PLPPR1: variants seen among roughly 807,000 people sequenced by gnomAD.
PLPPR1 encodes the protein phospholipid phosphatase-related protein type 1.
A neutral mutation model predicts 33.1 loss-of-function variants in PLPPR1; 10 were observed. The observed-to-expected ratio is 0.30, with a 90% CI of 0.19 to 0.51. PLPPR1 has a LOEUF of 0.51. Ranked by LOEUF, PLPPR1 falls within the 20% of genes least tolerant of loss-of-function variation. PLPPR1 has a pLI of 0.97. For missense variants in PLPPR1, 304 were observed against 408.1 expected (o/e 0.74, Z 2.20); for synonymous variants, 151 against 151.0 (o/e 1.00, Z 0.00).
chr9:101,186,520 A>G (rs1308059902), intron 2 of PLPPR1, among the ~76,000 whole-genome samples: 1 of 151,842 alleles, frequency 6.6e-6, no homozygotes, highest in Non-Finnish European at 1.5e-5. Context: ...TTTATTATCC[A>G]TATAAAAACA....
chr9:101,158,099 T>G (rs1831720435), intron 1 of PLPPR1, among the ~76,000 whole-genome samples: 1 of 151,950 alleles, frequency 6.6e-6, no homozygotes. Flanking sequence ...TGAAATGGAG[T>G]AAACTAGGGG....
At chr9:101,276,599 A>G (rs1828200982) in intron 3 of PLPPR1, among the ~76,000 whole-genome samples, 1 of 152,198 alleles carries the variant, frequency 6.6e-6, no homozygotes, top group Non-Finnish European at 1.5e-5. Flanking sequence ...ACTTCAATGC[A>G]TTTTACTTTT....
chr9:101,179,469 T>A (rs998693062), intron 1 of PLPPR1, among the ~76,000 whole-genome samples: 3 of 152,216 alleles, frequency 2.0e-5, no homozygotes, highest in African/African-American at 4.8e-5. Flanking sequence ...ACGTATACAC[T>A]TGTACTAAGA....
At chr9:101,141,661 T>C (rs1215893699) in intron 1 of PLPPR1, among the ~76,000 whole-genome samples, 1 of 152,150 alleles carries the variant, frequency 6.6e-6, no homozygotes, top group Non-Finnish European at 1.5e-5. Context: ...GTTCTTAGAA[T>C]GAGACTAAGT....
chr9:101,284,756 C>T (rs1828362286), intron 3 of PLPPR1, among the ~76,000 whole-genome samples: 1 of 152,028 alleles, frequency 6.6e-6, no homozygotes, highest in Non-Finnish European at 1.5e-5. Flanking sequence ...CATCTTTATC[C>T]ATCTAAACAG....
chr9:101,247,730 CTT>C (rs1458024393), intron 2 of PLPPR1, among the ~76,000 whole-genome samples: 1 of 151,982 alleles, frequency 6.6e-6, no homozygotes, highest in Non-Finnish European at 1.5e-5. Flanking sequence ...CTGGGGATCT[CTT>C]AGTCTGGAGC....
chr9:101,264,453 C>T (rs577635243), intron 2 of PLPPR1, among the ~76,000 whole-genome samples: 77 of 152,264 alleles, frequency 5.1e-4, no homozygotes, highest in African/African-American at 1.7e-3. Context: ...TATCAAGTCC[C>T]CTCCCAACCA....
chr9:101,256,366 T>C (rs1827801838), intron 2 of PLPPR1, among the ~76,000 whole-genome samples: 1 of 152,058 alleles, frequency 6.6e-6, no homozygotes, highest in African/African-American at 2.4e-5. Context: ...TGAAGAAATA[T>C]ACGTAAGTCT....
At chr9:101,203,846 T>C (rs1476428945) in intron 2 of PLPPR1, among the ~76,000 whole-genome samples, 1 of 147,506 alleles carries the variant, frequency 6.8e-6, no homozygotes, top group Non-Finnish European at 1.5e-5. Flanking sequence ...TTTTTTTCTC[T>C]TTTTTCCTGA....
chr9:101,040,934 G>A (rs914989636), intron 1 of PLPPR1, among the ~76,000 whole-genome samples: 2 of 152,032 alleles, frequency 1.3e-5, no homozygotes, highest in African/African-American at 2.4e-5. Flanking sequence ...AAAAAATATC[G>A]TCTTGAGAAT....
chr9:101,219,811 C>T (rs1475237611), intron 2 of PLPPR1, among the ~76,000 whole-genome samples: 116 of 152,292 alleles, frequency 7.6e-4, no homozygotes, highest in Admixed American at 7.5e-3. Flanking sequence ...TATGCATTAC[C>T]TCAGCTGGGC....
At chr9:101,171,910 G>A (rs1183898592) in intron 1 of PLPPR1, among the ~76,000 whole-genome samples, 4 of 152,250 alleles carry the variant, frequency 2.6e-5, no homozygotes, top group African/African-American at 9.6e-5. Flanking sequence ...TCAAAGATGA[G>A]CTCCCTTTTG....
chr9:101,296,776 TCA>T (rs1424465586), intron 4 of PLPPR1, among the ~76,000 whole-genome samples: 6 of 151,110 alleles, frequency 4.0e-5, no homozygotes, highest in Non-Finnish European at 7.4e-5. Context: ...AAGGGGAACA[TCA>T]CACTCTGGGG....
intron 1 of PLPPR1, among the ~76,000 whole-genome samples, chr9:101,048,951 A>G (rs1205684870): frequency 1.3e-5 from 2 of 152,252 alleles, no homozygotes; most frequent in African/African-American, 4.8e-5. Context: ...AGAAACTTAT[A>G]AAAGAGAAAA....
chr9:101,237,158 G>C (rs932887298), intron 2 of PLPPR1, among the ~76,000 whole-genome samples: 5 of 151,486 alleles, frequency 3.3e-5, no homozygotes, highest in Admixed American at 2.0e-4. Context: ...TTATTAAAAA[G>C]TCAAAAAACA....
chr9:101,125,244 G>A (rs1309350978), intron 1 of PLPPR1, among the ~76,000 whole-genome samples: 3 of 152,014 alleles, frequency 2.0e-5, no homozygotes, highest in Non-Finnish European at 4.4e-5. Flanking sequence ...GTTCCTGCAA[G>A]TCCCTATCTC....
At chr9:101,087,888 C>T (rs910497847) in intron 1 of PLPPR1, among the ~76,000 whole-genome samples, 1 of 152,112 alleles carries the variant, frequency 6.6e-6, no homozygotes, top group Non-Finnish European at 1.5e-5. Context: ...ATGAAATCAC[C>T]AATCATTCCT....
chr9:101,174,109 A>G (rs1825985205), intron 1 of PLPPR1, among the ~76,000 whole-genome samples: 1 of 152,074 alleles, frequency 6.6e-6, no homozygotes, highest in African/African-American at 2.4e-5. Flanking sequence ...GTGAGCTGTG[A>G]TGGCACCACT....
intron 1 of PLPPR1, among the ~76,000 whole-genome samples, chr9:101,041,887 A>G (rs1252592715): frequency 1.3e-5 from 2 of 152,244 alleles, no homozygotes; most frequent in Non-Finnish European, 2.9e-5. Context: ...GGAAGAATGT[A>G]CTAAACCAAT....
Sources: allele counts gnomAD v4.1 joint callset (sites outside exome capture counted in the v4.1 genomes callset), GRCh38; gene constraint gnomAD v4.1.1; transcripts MANE v1.5; gene names NCBI Gene and HGNC (gene_info 2026-07-23, HGNC 2026-07-21).